PLXNA2: variants seen among roughly 807,000 people sequenced by gnomAD.
The protein encoded by PLXNA2 is plexin-A2.
Under a neutral mutation model 193.5 loss-of-function variants are expected in PLXNA2, and 91 were observed. That is an observed-to-expected ratio of 0.47 (90% confidence interval 0.40 to 0.56). PLXNA2 has a LOEUF of 0.56. Ranked by LOEUF, PLXNA2 falls within the 20% of genes least tolerant of loss-of-function variation. PLXNA2 has a pLI of 0.00. For synonymous variants in PLXNA2, 997 were observed against 1,027.3 expected (o/e 0.97, Z 0.56); for missense variants, 1,995 against 2,503.2 (o/e 0.80, Z 4.33).
chr1:208,046,588 G>T (rs1030022616), intron 17 of PLXNA2, among the ~76,000 whole-genome samples: 3 of 151,368 alleles, frequency 2.0e-5, no homozygotes, highest in African/African-American at 7.3e-5. Context: ...GTATGTGTGT[G>T]TGCATGGCCT....
chr1:208,042,991 A>C, intron 21 of PLXNA2, 70 bp downstream of exon 21: 1 of 1,534,954 alleles, frequency 6.5e-7, no homozygotes, highest in Non-Finnish European at 9.0e-7. Flanking sequence ...GCTGAGTCTC[A>C]TCTGGATTTC....
intron 3 of PLXNA2, among the ~76,000 whole-genome samples, chr1:208,155,669 G>T (rs540949564): frequency 6.6e-6 from 1 of 152,192 alleles, no homozygotes; most frequent in African/African-American, 2.4e-5. Context: ...TGGAGGACCC[G>T]CCTGGGGCCT....
At chr1:208,186,147 G>T (rs1047008302) in intron 3 of PLXNA2, among the ~76,000 whole-genome samples, 2 of 152,198 alleles carry the variant, frequency 1.3e-5, no homozygotes, top group African/African-American at 4.8e-5. Flanking sequence ...GAGGGTAGGA[G>T]GAAAAGGCTG....
At chr1:208,221,122 G>T (rs1671315114) in intron 1 of PLXNA2, among the ~76,000 whole-genome samples, 1 of 152,122 alleles carries the variant, frequency 6.6e-6, no homozygotes, top group Admixed American at 6.5e-5. Flanking sequence ...AGGAACCCTG[G>T]GTTCACATTC....
rs557407564 is a variant in PLXNA2, at chr1:208,192,858, G to A, written c.1371+17422C>T. 4.0e-5 allele frequency among the ~76,000 whole-genome samples: 6 copies of A among 148,678 alleles called. No individual in the cohort carries two copies. In the South Asian group the frequency reaches 1.3e-3, roughly 32 times the overall value. ...GCCGAGATTGCACCATTGCATTCCAGCCTGGGCAACAAGAGCAAAGCTCCG... is the reference window on the plus strand; with the variant it reads ...GCCGAGATTGCACCATTGCATTCCAACCTGGGCAACAAGAGCAAAGCTCCG... On this transcript the variant is annotated intron_variant, in intron 3 of 31. Transcript: ENST00000367033.
chr1:208,130,617 G>A (rs1208370809), intron 4 of PLXNA2, among the ~76,000 whole-genome samples: 1 of 152,134 alleles, frequency 6.6e-6, no homozygotes. Context: ...TTTATCAATG[G>A]GGAAAATGAG....
At chr1:208,045,361 A>G in intron 18 of PLXNA2, 151 bp from the exon 19 acceptor site, 1 of 669,634 alleles carries the variant, frequency 1.5e-6, no homozygotes, top group Non-Finnish European at 2.6e-6. Flanking sequence ...GGGGACTTCT[A>G]ACAGCCATGA....
chr1:208,210,318 C>A lies in PLXNA2; in HGVS notation c.1333G>T (p.Val445Leu). ...CCACTCTTAGTCCCCACAAAAACCA[C>A]GCTGTAGCCGTTGTAAACGTAGGAG... ...VASYVYNGYSVVFVGTKSGKL... is the reference protein window; with the variant it reads ...VASYVYNGYSLVFVGTKSGKL... The change falls in exon 3 of 32, where the codon GTG becomes TTG. Residue 445 changes from valine to leucine, a missense_variant. Physicochemically the swap from Val to Leu is conservative, Grantham distance 32. This residue lies in a region of PLXNA2 where 702 missense variants were observed against 812.9 expected (regional missense o/e 0.86). Transcript: ENST00000367033. 2.5e-6 allele frequency: 4 copies of A among 1,613,934 alleles called. No homozygotes were observed. The highest frequency in any genetic ancestry group is 3.4e-6 in the Non-Finnish European group (4 of 1,180,016).
chr1:208,081,890 AC>A (rs986780619), intron 11 of PLXNA2, among the ~76,000 whole-genome samples: 8 of 152,016 alleles, frequency 5.3e-5, no homozygotes, highest in Admixed American at 5.2e-4. Flanking sequence ...AATAAGGGTC[AC>A]CCTCATGGAG....
intron 3 of PLXNA2, among the ~76,000 whole-genome samples, chr1:208,181,401 C>T (rs1296718570): frequency 6.6e-6 from 1 of 152,214 alleles, no homozygotes; most frequent in Non-Finnish European, 1.5e-5. Flanking sequence ...CTCCAAATCA[C>T]AGCTCCAGTG....
intron 4 of PLXNA2, among the ~76,000 whole-genome samples, chr1:208,126,219 C>T (rs1667972372): frequency 6.6e-6 from 1 of 152,146 alleles, no homozygotes; most frequent in Admixed American, 6.5e-5. Context: ...GGCTAGCTTA[C>T]CCTAACTCTC....
intron 3 of PLXNA2, among the ~76,000 whole-genome samples, chr1:208,173,190 C>T (rs567906476): frequency 1.3e-5 from 2 of 152,108 alleles, no homozygotes; most frequent in Non-Finnish European, 2.9e-5. Flanking sequence ...TTAATATATA[C>T]AAATAAAGTA....
chr1:208,174,366 G>A (rs1669591608), intron 3 of PLXNA2, among the ~76,000 whole-genome samples: 1 of 151,500 alleles, frequency 6.6e-6, no homozygotes, highest in Admixed American at 6.6e-5. Flanking sequence ...GCCTGGGGGA[G>A]GGAAGGAGGA....
intron 12 of PLXNA2, among the ~76,000 whole-genome samples, chr1:208,066,745 C>T (rs138060567): frequency 7.9e-5 from 12 of 152,204 alleles, no homozygotes; most frequent in East Asian, 1.9e-4. Context: ...TCATAGGAGA[C>T]GACAGCTCTA....
chr1:208,170,249 AC>A (rs1669448013), intron 3 of PLXNA2, among the ~76,000 whole-genome samples: 1 of 152,174 alleles, frequency 6.6e-6, no homozygotes. Flanking sequence ...CCTCTATTTT[AC>A]CTTAAAGAGA....
In PLXNA2 at chr1:208,240,381, T is replaced by C. The variant is rs1359724005; in HGVS notation, c.-81+3262A>G. On this transcript the variant is annotated intron_variant, in intron 1 of 31. Transcript: ENST00000367033. ...GTTTGACCCTGGGAAGAACTGCCTT[T>C]CTCTCTGTCTCCATAGGGCTCACCT... Among the ~76,000 whole-genome samples, 6 of 152,322 alleles carry C rather than the reference T, an allele frequency of 3.9e-5. No homozygotes were observed. The East Asian group carries it at 1.2e-3, about 29-fold the overall frequency.
intron 12 of PLXNA2, among the ~76,000 whole-genome samples, chr1:208,066,889 T>G (rs1227410606): frequency 1.3e-5 from 2 of 152,018 alleles, no homozygotes; most frequent in East Asian, 3.8e-4. Flanking sequence ...ACAAAACAAA[T>G]TTAAAAAGTA....
chr1:208,204,517 G>A (rs769410053), intron 3 of PLXNA2, among the ~76,000 whole-genome samples: 4 of 152,050 alleles, frequency 2.6e-5, no homozygotes, highest in African/African-American at 4.8e-5. Context: ...CCACTGCCAC[G>A]CCAACCCTCC....
In PLXNA2 at chr1:208,244,316, C is replaced by T; in HGVS notation, c.-754G>A. ...CTGGCTCCCGCGGTGGCGGCGGCGG[C>T]GGCGGCGGCGGCGGCGGCGGAGGAG... On this transcript the variant is annotated 5_prime_UTR_variant, in exon 1 of 32. Coordinates refer to ENST00000367033, the MANE Select transcript of PLXNA2 (RefSeq NM_025179.4). 2 of 201,844 alleles carry T rather than the reference C, an allele frequency of 9.9e-6. No homozygotes were observed. The highest frequency in any genetic ancestry group is 1.9e-5 in the Non-Finnish European group (2 of 103,302). The allele number at this position is 201,844 out of a possible 1,614,324, so 12.5% of individuals were successfully genotyped here. A position where few individuals can be genotyped will look rare whatever the true frequency, so the allele number is the denominator to read the frequency against.
Sources: gnomAD v4.1 joint callset for allele counts (sites outside exome capture counted in the v4.1 genomes callset) on GRCh38, gnomAD v4.1.1 for gene constraint, gnomAD v4.1.1 regional missense constraint, MANE v1.5 for transcripts, NCBI Gene and HGNC (gene_info 2026-07-23, HGNC 2026-07-21) for gene names.